The following MRE11 variants were observed in gnomAD, a reference collection of about 807,000 sequenced individuals.
The protein encoded by MRE11 is double-strand break repair protein MRE11.
Under a neutral mutation model 91.7 loss-of-function variants are expected in MRE11, and 62 were observed. That is an observed-to-expected ratio of 0.68 (90% CI 0.55 to 0.84). The LOEUF is 0.84. Among genes scored for constraint, MRE11 ranks in the 40% least tolerant of loss-of-function variants. The pLI, the probability that MRE11 is intolerant of heterozygous loss-of-function variation, is 0.00. For synonymous variants in MRE11, 273 were observed against 271.4 expected (o/e 1.01, Z -0.06); for missense variants, 796 against 852.9 (o/e 0.93, Z 0.83).
intron 4 of MRE11, among the ~76,000 whole-genome samples, chr11:94,482,734 G>A (rs1947043049): frequency 6.6e-6 from 1 of 152,132 alleles, no homozygotes; most frequent in Non-Finnish European, 1.5e-5. Flanking sequence ...AGGAGTTCAA[G>A]ACCAGCCTCA....
the MRE11 span, among the ~76,000 whole-genome samples, chr11:94,501,579 G>C: frequency 2.6e-5 from 4 of 151,792 alleles, no homozygotes; most frequent in Non-Finnish European, 1.5e-5. Context: ...AGCACATCTG[G>C]ATTTAGTCAC....
chr11:94,506,299 T>A, the MRE11 span, among the ~76,000 whole-genome samples: 1 of 151,606 alleles, frequency 6.6e-6, no homozygotes, highest in Non-Finnish European at 1.5e-5. Context: ...ATATAGCAAA[T>A]GTACCCCTGA....
intron 18 of MRE11, among the ~76,000 whole-genome samples, chr11:94,435,271 G>A (rs1591640086): frequency 6.6e-6 from 1 of 152,172 alleles, no homozygotes; most frequent in Non-Finnish European, 1.5e-5. Context: ...GAAAAGCACT[G>A]AGGCCAAGCG....
intron 4 of MRE11, among the ~76,000 whole-genome samples, chr11:94,480,190 C>T (rs1056842002): frequency 1.3e-5 from 2 of 152,160 alleles, no homozygotes; most frequent in African/African-American, 4.8e-5. Context: ...TCCTGTCAGC[C>T]CCTGCCCCCA....
chr11:94,458,981 T>C (rs1007731554), intron 13 of MRE11, among the ~76,000 whole-genome samples: 4 of 152,218 alleles, frequency 2.6e-5, no homozygotes, highest in African/African-American at 4.8e-5. Flanking sequence ...CAATGTGATA[T>C]GCAAACATTT....
chr11:94,481,180 A>C (rs1283664628), intron 4 of MRE11, among the ~76,000 whole-genome samples: 2 of 152,084 alleles, frequency 1.3e-5, no homozygotes, highest in Non-Finnish European at 2.9e-5. Flanking sequence ...ATGGTGGCAC[A>C]TGCCTGTAGT....
intron 16 of MRE11, 71 bp from the exon 17 acceptor site, chr11:94,437,306 T>C (rs1287875326): frequency 5.5e-6 from 8 of 1,447,930 alleles, no homozygotes; most frequent in Non-Finnish European, 7.6e-6. Flanking sequence ...CATACTTCTT[T>C]AGCTAAAGAT....
intron 9 of MRE11, 116 bp downstream of exon 9, chr11:94,470,355 C>T: frequency 9.4e-7 from 1 of 1,065,918 alleles, no homozygotes; most frequent in South Asian, 1.4e-5. Context: ...TCCTTACAGG[C>T]TTCATGAGAA....
the MRE11 span, among the ~76,000 whole-genome samples, chr11:94,503,407 T>C: frequency 1.1e-4 from 16 of 152,100 alleles, no homozygotes; most frequent in African/African-American, 3.9e-4. Flanking sequence ...CAAAGCAATA[T>C]TTAAAAAGAA....
At chr11:94,490,700 T>C in intron 3 of MRE11, 133 bp downstream of exon 3, 1 of 1,005,644 alleles carries the variant, frequency 9.9e-7, no homozygotes, top group East Asian at 2.4e-5. Flanking sequence ...GCTTTGAGCT[T>C]TCAGTATATT....
chr11:94,422,415 C>T (rs989615617), intron 19 of MRE11, among the ~76,000 whole-genome samples: 4 of 152,054 alleles, frequency 2.6e-5, no homozygotes, highest in East Asian at 1.9e-4. Context: ...CCATGCGCCA[C>T]CCTCTACATG....
At chr11:94,430,362 T>C (rs1022513935) in intron 18 of MRE11, among the ~76,000 whole-genome samples, 3 of 152,192 alleles carry the variant, frequency 2.0e-5, no homozygotes, top group Non-Finnish European at 4.4e-5. Flanking sequence ...ATTATTATAG[T>C]ACTTATCATG....
the MRE11 span, among the ~76,000 whole-genome samples, chr11:94,503,209 A>G: frequency 3.3e-5 from 5 of 152,268 alleles, no homozygotes; most frequent in African/African-American, 1.2e-4. Flanking sequence ...CTTTATACTC[A>G]TTGAATAACT....
In MRE11 at chr11:94,463,400, A is replaced by C. The variant is rs190854483; in HGVS notation, c.1225+713T>G. 5.3e-5 allele frequency among the ~76,000 whole-genome samples: 8 copies of C among 152,298 alleles called. No individual in the cohort carries two copies. In the East Asian group the frequency reaches 1.5e-3, roughly 29 times the overall value. On this transcript the variant is annotated intron_variant, in intron 11 of 19. Transcript: ENST00000323929. ...ATTCCTCAAGGACCTAGAACTAGAA[A>C]TACCATTTGACCCAGCCATCCCATT...
chr11:94,436,121 C>G (rs550688743), intron 17 of MRE11, among the ~76,000 whole-genome samples: 1 of 152,322 alleles, frequency 6.6e-6, no homozygotes, highest in South Asian at 2.1e-4. Flanking sequence ...TCCTGGCCAT[C>G]CCAGGAGCCT....
intron 4 of MRE11, 57 bp from the exon 5 acceptor site, chr11:94,479,818 A>G (rs550434489): frequency 2.9e-6 from 4 of 1,381,010 alleles, no homozygotes; most frequent in Non-Finnish European, 4.1e-6. Flanking sequence ...GTTTTCCCTA[A>G]GATTCTCCTC....
chr11:94,479,028 A>C, intron 5 of MRE11, 152 bp from the exon 6 acceptor site: 2 of 836,926 alleles, frequency 2.4e-6, no homozygotes, highest in Non-Finnish European at 3.8e-6. Context: ...ACAATAGTAA[A>C]AGTATTTGCT....
rs756040379 is a variant in MRE11, at chr11:94,467,875, T to C, written c.1036A>G (p.Asn346Asp). The change falls in exon 10 of 20, where the codon AAT (asparagine) becomes GAT (aspartate). Residue 346 changes from asparagine (N) to aspartate (D), a missense_variant. Coordinates refer to ENST00000323929, the MANE Select transcript of MRE11 (RefSeq NM_005591.4). ...TTACCCAGACGTTCCCGTTCAGCAT[T>C]TTCAAGCATTTCTTCAATCTCAAAA... is the stretch of plus-strand genomic sequence containing the variant. The part of the protein sequence containing the change: ...CLEKIEEMLE[N>D]AERERLGNSH... 9 of 1,613,562 alleles carry C rather than the reference T, an allele frequency of 5.6e-6. No homozygotes were observed. The African/African-American group carries it at 1.2e-4, about 22-fold the overall frequency.
the MRE11 span, among the ~76,000 whole-genome samples, chr11:94,502,704 C>A: frequency 6.6e-6 from 1 of 152,020 alleles, no homozygotes; most frequent in Non-Finnish European, 1.5e-5. Flanking sequence ...GAGACAGACT[C>A]TCACTGTTGT....
Sources: allele counts gnomAD v4.1 joint callset (sites outside exome capture counted in the v4.1 genomes callset), GRCh38; gene constraint gnomAD v4.1.1; transcripts MANE v1.5; gene names NCBI Gene and HGNC (gene_info 2026-07-23, HGNC 2026-07-21).